Variants in STX3 observed in about 807,000 individuals in gnomAD.
The protein encoded by STX3 is syntaxin 3.
A neutral mutation model predicts 40.2 loss-of-function variants in STX3; 19 were observed. That is an observed-to-expected ratio of 0.47 (90% confidence interval 0.33 to 0.69). The LOEUF (loss-of-function observed/expected upper bound fraction) is 0.69. Among genes scored for constraint, STX3 ranks in the 30% least tolerant of loss-of-function variants. The probability of loss-of-function intolerance (pLI) is 0.02; values close to 1 mark genes in which losing one functional copy is unlikely to be tolerated. For missense variants in STX3, 364 were observed against 366.7 expected (o/e 0.99, Z 0.06); for synonymous variants, 122 against 132.2 (o/e 0.92, Z 0.53).
chr11:59,792,256 G>T (rs1565187973), intron 6 of STX3, 41 bp downstream of exon 6: 2 of 1,561,942 alleles, frequency 1.3e-6, no homozygotes, highest in East Asian at 4.5e-5. Context: ...CACCTTTCCT[G>T]CCACCTGGTT....
rs1479528717 is a variant in STX3, at chr11:59,804,632, G to A, written c.*3808G>A. ...GAAAATTTAAAGTGCTTTTTCTATG[G>A]GTGGTGATGGTGGAGTTCTAGCAAC... On this transcript the variant is annotated 3_prime_UTR_variant, in exon 11 of 11. Coordinates refer to ENST00000337979, the MANE Select transcript of STX3 (RefSeq NM_004177.5). 6.6e-6 allele frequency: 1 copy of A among 152,188 alleles called. No individual in the cohort carries two copies. Among genetic ancestry groups the A allele is most frequent in the African/African-American group, 2.4e-5 (1 of 41,446 alleles). 9.4% of individuals were successfully genotyped at this position (152,188 alleles called of 1,614,324 possible). A position where few individuals can be genotyped will look rare whatever the true frequency, so the allele number is the denominator to read the frequency against.
chr11:59,765,395 ATGTGTCTGTG>A (rs751231842), intron 1 of STX3, among the ~76,000 whole-genome samples: 1 of 152,088 alleles, frequency 6.6e-6, no homozygotes, highest in African/African-American at 2.4e-5. Flanking sequence ...GGGTGTGTGT[ATGTGTCTGTG>A]TGTGTCTGTG....
chr11:59,767,773 C>A (rs1465825235), intron 1 of STX3, among the ~76,000 whole-genome samples: 1 of 152,166 alleles, frequency 6.6e-6, no homozygotes, highest in African/African-American at 2.4e-5. Context: ...GTCAGTAACT[C>A]ATTATTTCAT....
chr11:59,767,038 G>A (rs1016660649), intron 1 of STX3, among the ~76,000 whole-genome samples: 3 of 152,190 alleles, frequency 2.0e-5, no homozygotes, highest in African/African-American at 7.2e-5. Context: ...GATAGAGAAG[G>A]CAGTTGAGAC....
chr11:59,792,174 G>A lies in STX3; in HGVS notation c.425G>A (p.Arg142Gln), dbSNP rs762880318. Residue 142 changes from arginine to glutamine, a missense_variant, in exon 6 of 11, where the codon CGA becomes CAA. Transcript: ENST00000337979. ...TACAATGAAGCTCAAGTGGACTTCC[G>A]AGAACGCAGCAAAGGGCGAATCCAG... ...TKYNEAQVDF[R>Q]ERSKGRIQRQ... 5.0e-6 allele frequency: 8 copies of A among 1,614,056 alleles called. No individual in the cohort carries two copies. Among genetic ancestry groups the A allele is most frequent in the Non-Finnish European group, 5.9e-6 (7 of 1,180,022 alleles).
At chr11:59,756,370 G>A (rs1464293049) in intron 1 of STX3, among the ~76,000 whole-genome samples, 2 of 152,218 alleles carry the variant, frequency 1.3e-5, no homozygotes, top group African/African-American at 4.8e-5. Flanking sequence ...ACTTGATACA[G>A]AAAAGGGTTA....
Position 59,804,221 on chromosome 11 carries a change from A to G in STX3, c.*3397A>G, listed in dbSNP as rs1422858803. ...TACTTGAACTGCTGTGAGTTGGTCA[A>G]GTCAGGGCACTTCTGCTCTTCAGGC... On this transcript the variant is annotated 3_prime_UTR_variant, in exon 11 of 11. Coordinates refer to ENST00000337979, the MANE Select transcript of STX3 (RefSeq NM_004177.5). 2 of 152,232 alleles carry G rather than the reference A, an allele frequency of 1.3e-5. No individual in the cohort carries two copies. Among genetic ancestry groups the G allele is most frequent in the East Asian group, 3.9e-4 (2 of 5,194 alleles). The allele number at this position is 152,232 out of a possible 1,614,324, so 9.4% of individuals were successfully genotyped here. A position where few individuals can be genotyped will look rare whatever the true frequency, so the allele number is the denominator to read the frequency against.
At chr11:59,795,713 G>T in intron 9 of STX3, 2 of 1,536,322 alleles carry the variant, frequency 1.3e-6, no homozygotes, top group Non-Finnish European at 1.7e-6. Context: ...AGCCCGGAGG[G>T]TGAGCACCTT....
At chr11:59,797,061 T>C (rs1347068707) in intron 9 of STX3, among the ~76,000 whole-genome samples, 1 of 152,124 alleles carries the variant, frequency 6.6e-6, no homozygotes, top group Non-Finnish European at 1.5e-5. Flanking sequence ...CAGTGAGCCA[T>C]GATCATGCCA....
rs939822785 is a variant in STX3, at chr11:59,781,734, G to A, written c.115-5303G>A. ...AACTGTGGCCATGGTGGGTGCGGGCGGGCTGGCGTGCAGAGAGCAACATTT... is the reference window on the plus strand; with the variant it reads ...AACTGTGGCCATGGTGGGTGCGGGCAGGCTGGCGTGCAGAGAGCAACATTT... On this transcript the variant is annotated intron_variant, in intron 2 of 10. Transcript: ENST00000337979. 25 of 1,580,398 alleles carry A rather than the reference G, an allele frequency of 1.6e-5. No individual in the cohort carries two copies. In the African/African-American group the frequency reaches 2.7e-4, roughly 17 times the overall value.
intron 1 of STX3, among the ~76,000 whole-genome samples, chr11:59,770,214 G>A (rs2134906393): frequency 6.7e-6 from 1 of 149,668 alleles, no homozygotes; most frequent in East Asian, 2.0e-4. Context: ...ATGAAGAGGT[G>A]GGGTGTATGT....
chr11:59,769,830 G>A (rs949035385), intron 1 of STX3, among the ~76,000 whole-genome samples: 3 of 118,162 alleles, frequency 2.5e-5, no homozygotes, highest in Non-Finnish European at 4.7e-5. Flanking sequence ...TAGTGTACAC[G>A]TGTGTGTGTG....
In STX3 at chr11:59,792,233, G is replaced by C. The variant is rs755848718; in HGVS notation, c.466+18G>C. 6.2e-6 allele frequency: 10 copies of C among 1,607,690 alleles called. No individual in the cohort carries two copies. The East Asian group carries it at 2.2e-4, about 36-fold the overall frequency. ...CGAAATTAGTATGTACTTGAGGTTT[G>C]GCGTGTGCCCTCCACCTTTCCTGCC... On this transcript the variant is annotated intron_variant, in intron 6 of 10. Transcript: ENST00000337979.
chr11:59,756,109 T>C (rs1862702731), intron 1 of STX3, among the ~76,000 whole-genome samples: 1 of 152,098 alleles, frequency 6.6e-6, no homozygotes, highest in Non-Finnish European at 1.5e-5. Context: ...CATGCTGGGA[T>C]GGGTCAGCTC....
intron 1 of STX3, among the ~76,000 whole-genome samples, chr11:59,763,181 A>G (rs1222404497): frequency 6.6e-6 from 1 of 152,174 alleles, no homozygotes; most frequent in African/African-American, 2.4e-5. Context: ...GGCTGTGCTG[A>G]TGGGTGATGA....
Position 59,800,966 on chromosome 11 carries a change from A to G in STX3, c.*142A>G, listed in dbSNP as rs1865860060. The G allele has an allele frequency of 1.3e-6, 2 of 1,534,698 alleles. No individual in the cohort carries two copies. Among genetic ancestry groups the G allele is most frequent in the East Asian group, 2.4e-5 (1 of 40,884 alleles). On this transcript the variant is annotated 3_prime_UTR_variant, in exon 11 of 11. Coordinates refer to ENST00000337979, the MANE Select transcript of STX3 (RefSeq NM_004177.5). ...CCCGTTCCTTTGTTTCCTTGCAACC[A>G]CCCTTGGACCTGACTCAGCTAACAA...
At chr11:59,777,981 A>G (rs1864084619) in intron 2 of STX3, among the ~76,000 whole-genome samples, 1 of 152,128 alleles carries the variant, frequency 6.6e-6, no homozygotes, top group African/African-American at 2.4e-5. Context: ...CTCAAGGGAA[A>G]AGCTCAGCAG....
chr11:59,761,336 G>A lies in STX3; in HGVS notation c.30+5701G>A, dbSNP rs138288426. ...TCCAGCTTCCCAGGCTGACAGCACT[G>A]AGCATGCCTTTCCTCGGACCCCGCA... On this transcript the variant is annotated intron_variant, in intron 1 of 10. Coordinates refer to ENST00000337979, the MANE Select transcript of STX3 (RefSeq NM_004177.5). Among the ~76,000 whole-genome samples, 5 of 152,320 alleles carry A rather than the reference G, an allele frequency of 3.3e-5. No homozygotes were observed. In the East Asian group the frequency reaches 9.6e-4, roughly 29 times the overall value.
At chr11:59,760,976 G>A (rs369400400) in intron 1 of STX3, among the ~76,000 whole-genome samples, 5 of 152,186 alleles carry the variant, frequency 3.3e-5, no homozygotes, top group African/African-American at 1.2e-4. Flanking sequence ...ATTAATAACA[G>A]CTTGACCCTT....
Sources: gnomAD v4.1 joint callset for allele counts (sites outside exome capture counted in the v4.1 genomes callset) on GRCh38, gnomAD v4.1.1 for gene constraint, MANE v1.5 for transcripts, NCBI Gene and HGNC (gene_info 2026-07-23, HGNC 2026-07-21) for gene names.